Variants in CARMIL1 observed in about 807,000 individuals in gnomAD.
CARMIL1 encodes the protein capping protein regulator and myosin 1 linker 1.
In CARMIL1, 90 loss-of-function variants were observed where a neutral mutation model predicts 177.1. The ratio of observed to expected loss-of-function variants is 0.51; its 90% confidence interval spans 0.43 to 0.61. The LOEUF (loss-of-function observed/expected upper bound fraction) is 0.61. CARMIL1 is among the 20% of genes least tolerant of loss of function. The pLI is 0.00. For missense variants in CARMIL1, 1,380 were observed against 1,667.0 expected (o/e 0.83, Z 3.00); for synonymous variants, 577 against 606.2 (o/e 0.95, Z 0.71).
At chr6:25,581,219 T>G in intron 30 of CARMIL1, 24 bp from the exon 31 acceptor site, 2 of 1,591,076 alleles carry the variant, frequency 1.3e-6, no homozygotes, top group Non-Finnish European at 1.7e-6. Context: ...GGCTGTTTTT[T>G]TGTTTTTTTG....
chr6:25,449,735 GCT>G (rs1265292946), intron 5 of CARMIL1, among the ~76,000 whole-genome samples, 161 bp from the exon 6 acceptor site: 1 of 152,110 alleles, frequency 6.6e-6, no homozygotes, highest in Non-Finnish European at 1.5e-5. Flanking sequence ...TAGATTTCTA[GCT>G]CTCTAGTGCT....
chr6:25,454,762 A>C (rs1799337038), intron 8 of CARMIL1, among the ~76,000 whole-genome samples: 2 of 152,202 alleles, frequency 1.3e-5, no homozygotes, highest in Non-Finnish European at 1.5e-5. Flanking sequence ...ATTGAATTAC[A>C]ACAAATTTTA....
intron 27 of CARMIL1, among the ~76,000 whole-genome samples, chr6:25,552,485 T>A (rs1374851211): frequency 6.6e-6 from 1 of 152,164 alleles, no homozygotes; most frequent in Non-Finnish European, 1.5e-5. Context: ...TAATGCATTA[T>A]ACTGAACATT....
chr6:25,327,398 A>G (rs1419429410), intron 2 of CARMIL1, among the ~76,000 whole-genome samples: 1 of 152,224 alleles, frequency 6.6e-6, no homozygotes. Flanking sequence ...ATCACTAGGC[A>G]TTCTATTTGG....
chr6:25,498,979 A>C (rs1348811703), intron 16 of CARMIL1, among the ~76,000 whole-genome samples: 6 of 152,166 alleles, frequency 3.9e-5, no homozygotes, highest in African/African-American at 1.4e-4. Context: ...GAAGGCACTC[A>C]CCTCCAGCCT....
intron 29 of CARMIL1, among the ~76,000 whole-genome samples, chr6:25,578,390 C>A (rs535189137): frequency 6.6e-6 from 1 of 152,166 alleles, no homozygotes; most frequent in East Asian, 1.9e-4. Context: ...CGCAAATAAA[C>A]CAAATTTCTA....
chr6:25,505,198 T>C (rs1217959187), intron 17 of CARMIL1, among the ~76,000 whole-genome samples: 1 of 152,220 alleles, frequency 6.6e-6, no homozygotes, highest in Non-Finnish European at 1.5e-5. Flanking sequence ...TGAAACCTGA[T>C]TTTTTGATGC....
chr6:25,351,910 C>T (rs1468144311), intron 2 of CARMIL1, among the ~76,000 whole-genome samples: 1 of 152,074 alleles, frequency 6.6e-6, no homozygotes, highest in Non-Finnish European at 1.5e-5. Context: ...TTAAGTCTGC[C>T]CCCAAAATCA....
rs2690112 is a variant in CARMIL1 at position 25,326,585 on chromosome 6, T to A, written c.138+41676T>A. 0.71 allele frequency among the ~76,000 whole-genome samples: 108,608 copies of A among 152,028 alleles called. 39,496 individuals carry two copies. Among genetic ancestry groups the A allele is most frequent in the African/African-American group, 0.86 (35,758 of 41,480 alleles). On this transcript the variant is annotated intron_variant, in intron 2 of 36. Coordinates refer to ENST00000329474, the MANE Select transcript of CARMIL1 (RefSeq NM_017640.6). The surrounding 1 kb of genome is among the most constrained non-coding windows in gnomAD (Gnocchi z 4.2). The stretch of plus-strand genomic sequence containing the variant: ...GACCTGGAAACCTGTAAGAAATGCA[T>A]ACTTCAAGTCTTATTATGGACTTGC...
chr6:25,457,947 T>C (rs757090624), intron 8 of CARMIL1, among the ~76,000 whole-genome samples: 2 of 152,212 alleles, frequency 1.3e-5, no homozygotes, highest in Non-Finnish European at 2.9e-5. Context: ...TTTAACACTT[T>C]CCTGGTATAC....
chr6:25,364,160 G>T (rs1285431125), intron 2 of CARMIL1, among the ~76,000 whole-genome samples: 1 of 152,072 alleles, frequency 6.6e-6, no homozygotes, highest in Non-Finnish European at 1.5e-5. Flanking sequence ...GCCTCGGCTG[G>T]TCTTGAACTC....
At chr6:25,578,140 C>T (rs1812773377) in intron 29 of CARMIL1, among the ~76,000 whole-genome samples, 2 of 152,070 alleles carry the variant, frequency 1.3e-5, no homozygotes, top group South Asian at 2.1e-4. Flanking sequence ...CAAACGCTGA[C>T]CCCCCTTCAT....
Position 25,284,798 on chromosome 6 carries a change from C to T in CARMIL1, c.41-14C>T. 8.1e-7 allele frequency: 1 copy of T among 1,228,106 alleles called. No individual in the cohort carries two copies. The highest frequency in any genetic ancestry group is 1.1e-6 in the Non-Finnish European group (1 of 888,580). The allele number at this position is 1,228,106 out of a possible 1,614,324, so 76.1% of individuals were successfully genotyped here. A position where few individuals can be genotyped will look rare whatever the true frequency, so the allele number is the denominator to read the frequency against. On this transcript the variant is annotated splice_polypyrimidine_tract_variant and intron_variant, in intron 1 of 36. Transcript: ENST00000329474. ...TTTTTTCTTATTAATAACATAATTC[C>T]TTTTTTTTTTCAGAAAGCATAAAGG...
intron 1 of CARMIL1, among the ~76,000 whole-genome samples, chr6:25,283,466 A>G (rs1781293333): frequency 2.0e-5 from 3 of 152,194 alleles, no homozygotes; most frequent in Non-Finnish European, 2.9e-5. Context: ...GGAGTTGGAC[A>G]TAAGCATTTT....
At chr6:25,299,789 C>T (rs1782704986) in intron 2 of CARMIL1, among the ~76,000 whole-genome samples, 1 of 151,864 alleles carries the variant, frequency 6.6e-6, no homozygotes, top group Non-Finnish European at 1.5e-5. Context: ...ACCAGCCTGG[C>T]CAACATGGCG....
intron 2 of CARMIL1, among the ~76,000 whole-genome samples, chr6:25,353,811 A>G (rs1788326297): frequency 6.6e-6 from 1 of 152,182 alleles, no homozygotes; most frequent in Admixed American, 6.5e-5. Flanking sequence ...TTTGCTACTG[A>G]CAGTGTCTAT....
chr6:25,292,504 G>A (rs569729605), intron 2 of CARMIL1, among the ~76,000 whole-genome samples: 5 of 152,232 alleles, frequency 3.3e-5, no homozygotes, highest in South Asian at 4.2e-4. Flanking sequence ...CTAATCTCTG[G>A]GTAGGGGCTG....
chr6:25,493,322 C>G (rs1320049947), intron 15 of CARMIL1, among the ~76,000 whole-genome samples: 1 of 152,144 alleles, frequency 6.6e-6, no homozygotes, highest in East Asian at 1.9e-4. Flanking sequence ...TTGTAGAAAG[C>G]CCTTAGTAAT....
At chr6:25,546,601 G>T (rs1809498219) in intron 26 of CARMIL1, among the ~76,000 whole-genome samples, 1 of 149,178 alleles carries the variant, frequency 6.7e-6, no homozygotes, top group South Asian at 2.1e-4. Context: ...GTGGGAGTGA[G>T]CTATGATTGC....
Sources: allele counts gnomAD v4.1 joint callset (sites outside exome capture counted in the v4.1 genomes callset), GRCh38; gene constraint gnomAD v4.1.1; non-coding constraint Gnocchi (gnomAD v3.1); transcripts MANE v1.5; gene names NCBI Gene and HGNC (gene_info 2026-07-23, HGNC 2026-07-21).